The following PPIL3 variants were observed in gnomAD, a reference collection of about 807,000 sequenced individuals.
The protein encoded by PPIL3 is peptidylprolyl isomerase like 3.
PPIL3 carries 13 observed loss-of-function variants against 20.9 expected under a neutral mutation model. The ratio of observed to expected loss-of-function variants is 0.62; its 90% CI spans 0.40 to 0.99. PPIL3 has a LOEUF of 0.99. PPIL3 is among the 50% of genes least tolerant of loss of function. The pLI, the probability that PPIL3 is intolerant of heterozygous loss-of-function variation, is 0.00. For synonymous variants in PPIL3, 71 were observed against 64.4 expected, an observed-to-expected ratio of 1.10 and a Z score of -0.49; for missense variants, 170 against 195.2, an observed-to-expected ratio of 0.87 and a Z score of 0.77.
At chr2:200,885,848 GAT>G in intron 2 of PPIL3, 76 bp from the exon 3 acceptor site, 1 of 824,404 alleles carries the variant, frequency 1.2e-6, no homozygotes, top group South Asian at 1.6e-5. Flanking sequence ...TCCCTGTGTG[GAT>G]ATTCAAGATG....
chr2:200,877,054 A>G lies in PPIL3; in HGVS notation c.241-17T>C, dbSNP rs779394529. ...AACATTGTGCTGAAAAAGACACATC[A>G]AAGTATTAACTGTGTTTTTATATAA... is the stretch of plus-strand genomic sequence containing the variant. On this transcript the variant is annotated splice_polypyrimidine_tract_variant and intron_variant, in intron 5 of 6. Coordinates refer to ENST00000392283, the MANE Select transcript of PPIL3 (RefSeq NM_130906.3). 6.1e-6 allele frequency: 9 copies of G among 1,478,858 alleles called. No individual in the cohort carries two copies. The highest frequency in any genetic ancestry group is 4.2e-5 in the African/African-American group (3 of 71,980). 91.6% of individuals were successfully genotyped at this position (1,478,858 alleles called of 1,614,324 possible). A position where few individuals can be genotyped will look rare whatever the true frequency, so the allele number is the denominator to read the frequency against.
rs182586382 is a variant in PPIL3 at position 200,875,473 on chromosome 2, G to A, written c.359+1446C>T. On this transcript the variant is annotated intron_variant, in intron 6 of 6. Coordinates refer to ENST00000392283, the MANE Select transcript of PPIL3 (RefSeq NM_130906.3). Reference sequence around the variant, plus strand: ...AGTAGAGATGGGGTTTCACCATGTTGGCCTGGATGGTCTTGATCTCCTGAC... The same window carrying A: ...AGTAGAGATGGGGTTTCACCATGTTAGCCTGGATGGTCTTGATCTCCTGAC... 7.5e-3 allele frequency among the ~76,000 whole-genome samples: 1,141 copies of A among 151,994 alleles called. 42 individuals carry two copies. The highest frequency in any genetic ancestry group is 0.059 in the Admixed American group (893 of 15,262).
intron 3 of PPIL3, among the ~76,000 whole-genome samples, 170 bp from the exon 4 acceptor site, chr2:200,882,605 T>C (rs1373448023): frequency 6.6e-6 from 1 of 152,180 alleles, no homozygotes; most frequent in Non-Finnish European, 1.5e-5. Flanking sequence ...CCTTCTCCTC[T>C]TGAAATAAAA....
chr2:200,878,060 C>T (rs529637488), intron 5 of PPIL3, among the ~76,000 whole-genome samples: 2 of 152,236 alleles, frequency 1.3e-5, no homozygotes, highest in African/African-American at 2.4e-5. Context: ...TAGAGAAGCA[C>T]CTATATCAAA....
chr2:200,882,805 G>A (rs1268410959), intron 3 of PPIL3, among the ~76,000 whole-genome samples: 1 of 151,244 alleles, frequency 6.6e-6, no homozygotes, highest in African/African-American at 2.4e-5. Flanking sequence ...GAGGCTGAGG[G>A]AGGAGAATGG....
rs1461489944 is a variant in PPIL3 at position 200,882,125 on chromosome 2, G to A, written c.172+217C>T. On this transcript the variant is annotated intron_variant, in intron 4 of 6. Coordinates refer to ENST00000392283, the MANE Select transcript of PPIL3 (RefSeq NM_130906.3). The stretch of plus-strand genomic sequence containing the variant: ...TTAGGACGAATAGCTAATGCATGCT[G>A]GGCTTAAAACCTAGAGGACAGGCTG... Among the ~76,000 whole-genome samples, 5 of 152,180 alleles carry A rather than the reference G, an allele frequency of 3.3e-5. 1 individual carries two copies. Among genetic ancestry groups the A allele is most frequent in the African/African-American group, 1.2e-4 (5 of 41,434 alleles).
Position 200,887,617 on chromosome 2 carries a change from T to C in PPIL3, c.-2A>G, listed in dbSNP as rs1158699899. 13 of 1,604,942 alleles carry C rather than the reference T, an allele frequency of 8.1e-6. No homozygotes were observed. The highest frequency in any genetic ancestry group is 1.7e-5 in the Admixed American group (1 of 59,460). ...TAAAAATTGCTCAAAACTTACCATT[T>C]TTCCTCTTAGTGGTTTCAGGAAGGA... On this transcript the variant is annotated 5_prime_UTR_variant, in exon 2 of 7. Transcript: ENST00000392283.
chr2:200,881,357 G>T, intron 5 of PPIL3, 64 bp downstream of exon 5: 1 of 1,229,560 alleles, frequency 8.1e-7, no homozygotes, highest in Non-Finnish European at 1.2e-6. Flanking sequence ...TATGACACAT[G>T]TATCAAAGTT....
chr2:200,878,179 T>C (rs2039591248), intron 5 of PPIL3, among the ~76,000 whole-genome samples: 1 of 152,196 alleles, frequency 6.6e-6, no homozygotes, highest in African/African-American at 2.4e-5. Flanking sequence ...AAAAATATAG[T>C]TAATAAAAAT....
At chr2:200,888,905 C>G in intron 1 of PPIL3, 51 bp downstream of exon 1, 1 of 471,158 alleles carries the variant, frequency 2.1e-6, no homozygotes, top group Non-Finnish European at 4.4e-6. Context: ...ACACAGAACT[C>G]AGCAAGCATT....
At chr2:200,881,279 T>C (rs2039710698) in intron 5 of PPIL3, 142 bp downstream of exon 5, 9 of 639,198 alleles carry the variant, frequency 1.4e-5, no homozygotes, top group Admixed American at 3.4e-5. Flanking sequence ...CTCCCCGACA[T>C]CATTTGTCAA....
rs559236305 is a variant in PPIL3, at chr2:200,874,182, G to A, written c.360-2661C>T. Among the ~76,000 whole-genome samples, 4 of 147,490 alleles carry A rather than the reference G, an allele frequency of 2.7e-5. No homozygotes were observed. The East Asian group carries it at 7.9e-4, about 29-fold the overall frequency. ...ATGGCGCCACTGCATTCCAGCCTGG[G>A]CGACAGAGTGAGACTCTGTCTCAAA... On this transcript the variant is annotated intron_variant, in intron 6 of 6. Transcript: ENST00000392283.
At chr2:200,876,354 T>C (rs2039515786) in intron 6 of PPIL3, among the ~76,000 whole-genome samples, 1 of 151,962 alleles carries the variant, frequency 6.6e-6, no homozygotes, top group South Asian at 2.1e-4. Flanking sequence ...TATGTTAATT[T>C]GCATAACAAT....
intron 3 of PPIL3, among the ~76,000 whole-genome samples, chr2:200,884,585 A>G (rs2039859023): frequency 6.6e-6 from 1 of 151,992 alleles, no homozygotes; most frequent in Non-Finnish European, 1.5e-5. Flanking sequence ...AAAAATTTAA[A>G]AAAAATTAGC....
chr2:200,879,385 C>G (rs2039634952), intron 5 of PPIL3, among the ~76,000 whole-genome samples: 1 of 152,074 alleles, frequency 6.6e-6, no homozygotes, highest in Admixed American at 6.5e-5. Context: ...TCCCAAAGTG[C>G]TGGGATTACA....
intron 6 of PPIL3, among the ~76,000 whole-genome samples, chr2:200,872,917 G>A (rs1298528828): frequency 6.6e-6 from 1 of 150,512 alleles, no homozygotes; most frequent in Admixed American, 6.6e-5. Context: ...TGGTCCCCCA[G>A]ACTGGAGTGC....
intron 6 of PPIL3, among the ~76,000 whole-genome samples, chr2:200,871,724 A>G (rs1003957266): frequency 2.6e-5 from 4 of 152,230 alleles, no homozygotes; most frequent in Non-Finnish European, 5.9e-5. Flanking sequence ...GCCCTTAGTC[A>G]ACAATACAAA....
At chr2:200,883,744 T>C (rs1310667852) in intron 3 of PPIL3, among the ~76,000 whole-genome samples, 1 of 152,214 alleles carries the variant, frequency 6.6e-6, no homozygotes, top group African/African-American at 2.4e-5. Flanking sequence ...TGGGGCAAGA[T>C]AGCCTTTCAC....
rs781485459 is a variant in PPIL3 at position 200,885,702 on chromosome 2, CAT to C, written c.72_73del (p.Cys25Ter). On this transcript the variant is annotated frameshift_variant, in exon 3 of 7. Transcript: ENST00000392283. LOFTEE classifies it high-confidence loss of function. ...TATGTAAATAATAGTACTTACCTCA[CAT>C]GTTTTGGGTGTCCTCTCACAGAAGA... 41 of 1,548,980 alleles carry C rather than the reference CAT, an allele frequency of 2.6e-5. No individual in the cohort carries two copies. The highest frequency in any genetic ancestry group is 3.1e-5 in the Non-Finnish European group (35 of 1,123,422).
Sources: gnomAD v4.1 joint callset for allele counts (sites outside exome capture counted in the v4.1 genomes callset) on GRCh38, gnomAD v4.1.1 for gene constraint, MANE v1.5 for transcripts, NCBI Gene and HGNC (gene_info 2026-07-23, HGNC 2026-07-21) for gene names.